Variants in LMO7 observed in about 807,000 individuals in gnomAD.
The protein encoded by LMO7 is LIM domain 7, also known as LIM domain only protein 7.
Under a neutral mutation model 206.5 loss-of-function variants are expected in LMO7, and 120 were observed. That is an observed-to-expected ratio of 0.58 (90% CI 0.50 to 0.68). The LOEUF (loss-of-function observed/expected upper bound fraction) is 0.68. Ranked by LOEUF, LMO7 falls within the 30% of genes least tolerant of loss-of-function variation. The pLI, the probability that LMO7 is intolerant of heterozygous loss-of-function variation, is 0.00. For synonymous variants in LMO7, 706 were observed against 681.5 expected (o/e 1.04, Z -0.56); for missense variants, 1,959 against 1,957.9 (o/e 1.00, Z -0.01).
intron 4 of LMO7, among the ~76,000 whole-genome samples, chr13:75,770,342 G>A (rs1442504097): frequency 6.6e-6 from 1 of 152,016 alleles, no homozygotes; most frequent in African/African-American, 2.4e-5. Context: ...GGTGGGTGGT[G>A]TGGGGAGTTT....
chr13:75,645,425 T>C (rs540861775), intron 1 of LMO7, among the ~76,000 whole-genome samples: 1 of 152,276 alleles, frequency 6.6e-6, no homozygotes, highest in Non-Finnish European at 1.5e-5. Context: ...AAACTTTCAT[T>C]CTGGCTTGAC....
chr13:75,793,260 A>G (rs1472764557), intron 4 of LMO7, among the ~76,000 whole-genome samples: 1 of 152,100 alleles, frequency 6.6e-6, no homozygotes, highest in Non-Finnish European at 1.5e-5. Context: ...TCTAAGTTAA[A>G]GTGCTGGGTT....
chr13:75,680,571 C>CT (rs111870938), intron 1 of LMO7, among the ~76,000 whole-genome samples: 61,006 of 147,990 alleles, frequency 0.41, 13,350 homozygotes, highest in Middle Eastern at 0.53. Flanking sequence ...TGTTTCTTGA[C>CT]TTTTTTTTTT....
intron 3 of LMO7, among the ~76,000 whole-genome samples, chr13:75,729,108 G>T (rs1473430802): frequency 1.3e-5 from 2 of 150,288 alleles, no homozygotes; most frequent in Non-Finnish European, 3.0e-5. Context: ...TTGGTGATGC[G>T]GGCTCTTTTT....
At chr13:75,655,854 T>G (rs2038021661) in intron 1 of LMO7, among the ~76,000 whole-genome samples, 1 of 152,016 alleles carries the variant, frequency 6.6e-6, no homozygotes, top group South Asian at 2.1e-4. Context: ...CTGAGGTGTG[T>G]GGTTAATCTA....
chr13:75,705,161 G>T (rs972112217), intron 1 of LMO7, among the ~76,000 whole-genome samples: 2 of 152,188 alleles, frequency 1.3e-5, no homozygotes, highest in African/African-American at 2.4e-5. Flanking sequence ...CCTCACACTT[G>T]GCGCAGTCGC....
chr13:75,681,718 G>GTATGTGTATATATA (rs1555293391), intron 1 of LMO7, among the ~76,000 whole-genome samples: 1 of 104,580 alleles, frequency 9.6e-6, no homozygotes, highest in Non-Finnish European at 1.9e-5. Context: ...ATATATATAT[G>GTATGTGTATATATA]TATATATATA....
intron 1 of LMO7, among the ~76,000 whole-genome samples, chr13:75,674,329 T>C (rs1351191845): frequency 6.6e-6 from 1 of 152,226 alleles, no homozygotes; most frequent in Non-Finnish European, 1.5e-5. Flanking sequence ...TCCTTAAAAA[T>C]ATCTTCCAGT....
intron 1 of LMO7, among the ~76,000 whole-genome samples, chr13:75,637,646 T>C (rs1341434216): frequency 6.6e-6 from 1 of 152,238 alleles, no homozygotes; most frequent in African/African-American, 2.4e-5. Context: ...AGTTAACATA[T>C]TTAAAACTTC....
rs1352626639 is a variant in LMO7 at position 75,804,220 on chromosome 13, C to A, written c.662-69C>A. The A allele has an allele frequency of 2.0e-6, 3 of 1,491,050 alleles. No homozygotes were observed. In the African/African-American group the frequency reaches 4.2e-5, roughly 21 times the overall value. The allele number at this position is 1,491,050 out of a possible 1,614,324, so 92.4% of individuals were successfully genotyped here. A position where few individuals can be genotyped will look rare whatever the true frequency, so the allele number is the denominator to read the frequency against. ...GTTTCTAAGGGAAAGACAAAGCAGG[C>A]GCGCTGTGTGGGTTTCAGTTAGGCG... On this transcript the variant is annotated intron_variant, in intron 7 of 30. Coordinates refer to ENST00000377534, the MANE Select transcript of LMO7 (RefSeq NM_001306080.2).
chr13:75,856,813 T>TG, intron 30 of LMO7: 1 of 478,490 alleles, frequency 2.1e-6, no homozygotes. Context: ...GAGTGGGTTG[T>TG]GGGGCCAAGG....
chr13:75,690,145 G>A (rs183839459), intron 1 of LMO7, among the ~76,000 whole-genome samples: 8 of 151,002 alleles, frequency 5.3e-5, no homozygotes, highest in African/African-American at 1.7e-4. Context: ...ATGTTGTCCA[G>A]ACCAGTCTCC....
intron 1 of LMO7, among the ~76,000 whole-genome samples, chr13:75,703,157 C>T (rs1486170077): frequency 1.3e-5 from 2 of 152,204 alleles, no homozygotes; most frequent in Non-Finnish European, 2.9e-5. Flanking sequence ...CCTCATCCCC[C>T]CCAACACACA....
At chr13:75,830,939 G>T (rs543001055) in intron 15 of LMO7, among the ~76,000 whole-genome samples, 10 of 151,620 alleles carry the variant, frequency 6.6e-5, no homozygotes, top group African/African-American at 2.2e-4. Context: ...TTGTCTGTTT[G>T]TCTCTCTTCC....
Position 75,637,023 on chromosome 13 carries a change from C to T in LMO7, c.69+297C>T, listed in dbSNP as rs371500450. Among the ~76,000 whole-genome samples, 33 of 152,316 alleles carry T rather than the reference C, an allele frequency of 2.2e-4. No homozygotes were observed. In the South Asian group the frequency reaches 6.8e-3, roughly 32 times the overall value. On this transcript the variant is annotated intron_variant, in intron 1 of 30. Coordinates refer to ENST00000377534, the MANE Select transcript of LMO7 (RefSeq NM_001306080.2). ...CATCGCGCGTCCCGGAGGAGCAGCG[C>T]AGTCCGCCCTGGCTCGCCCGGGGCG...
intron 1 of LMO7, among the ~76,000 whole-genome samples, chr13:75,685,949 C>G (rs1594275672): frequency 7.0e-6 from 1 of 143,778 alleles, no homozygotes; most frequent in East Asian, 2.0e-4. Context: ...AGGCAGTGGC[C>G]CAATCATAGC....
rs761122156 is a variant in LMO7, at chr13:75,834,289, A to G, written c.3128A>G (p.Lys1043Arg). 5 of 1,611,514 alleles carry G rather than the reference A, an allele frequency of 3.1e-6. No homozygotes were observed. The highest frequency in any genetic ancestry group is 2.2e-5 in the East Asian group (1 of 44,760). ...GAAATTATTGCTATTAACAACACCAAGTTTTCATATAACGATTCAAAAGAG... is the reference window on the plus strand; with the variant it reads ...GAAATTATTGCTATTAACAACACCAGGTTTTCATATAACGATTCAAAAGAG... ...DDEIIAINNTKFSYNDSKEWE... is the reference protein window; with the variant it reads ...DDEIIAINNTRFSYNDSKEWE... The change falls in exon 17 of 31, where the codon AAG becomes AGG. Residue 1043 changes from lysine (K) to arginine (R), a missense_variant. Lys to Arg is a conservative substitution (Grantham distance 26). Coordinates refer to ENST00000377534, the MANE Select transcript of LMO7 (RefSeq NM_001306080.2).
intron 2 of LMO7, among the ~76,000 whole-genome samples, chr13:75,714,080 C>G (rs1324153928): frequency 6.6e-6 from 1 of 152,186 alleles, no homozygotes; most frequent in Non-Finnish European, 1.5e-5. Context: ...TATCTGTCCA[C>G]ATGTAAGCAG....
rs79226130 is a variant in LMO7 at position 75,850,721 on chromosome 13, C to A, written c.4364+1429C>A. 2.9e-3 allele frequency among the ~76,000 whole-genome samples: 436 copies of A among 152,128 alleles called. 7 individuals carry two copies. Among genetic ancestry groups the A allele is most frequent in the African/African-American group, 0.01 (428 of 41,498 alleles). Reference sequence around the variant, plus strand: ...ACACTTGAGCAGCTGTAATCATTTACAGTAGGGATTGGTAAGCTTTTATGT... The same window carrying A: ...ACACTTGAGCAGCTGTAATCATTTAAAGTAGGGATTGGTAAGCTTTTATGT... On this transcript the variant is annotated intron_variant, in intron 27 of 30. Coordinates refer to ENST00000377534, the MANE Select transcript of LMO7 (RefSeq NM_001306080.2).
Sources: gnomAD v4.1 joint callset for allele counts (sites outside exome capture counted in the v4.1 genomes callset) on GRCh38, gnomAD v4.1.1 for gene constraint, MANE v1.5 for transcripts, NCBI Gene and HGNC (gene_info 2026-07-23, HGNC 2026-07-21) for gene names.